The following NCAN variants were observed in gnomAD, a reference collection of about 807,000 sequenced individuals.
NCAN encodes the protein neurocan.
Under a neutral mutation model 121.8 loss-of-function variants are expected in NCAN, and 47 were observed. That is an observed-to-expected ratio of 0.39 (90% CI 0.31 to 0.49). The LOEUF (loss-of-function observed/expected upper bound fraction) is 0.49. NCAN is among the 20% of genes least tolerant of loss of function. NCAN has a pLI of 0.92. For missense variants in NCAN, 1,517 were observed against 1,773.4 expected (o/e 0.86, Z 2.60); for synonymous variants, 633 against 702.0 (o/e 0.90, Z 1.55).
At position 19,224,414 on chromosome 19, in the gene NCAN, C is replaced by T. The variant is rs140636011; in HGVS notation, c.759C>T (p.Cys253=). Residue 253 remains cysteine (C), a synonymous_variant, in exon 5 of 15, where the codon TGC becomes TGT. Coordinates refer to ENST00000252575, the MANE Select transcript of NCAN (RefSeq NM_004386.3). ...CACAGGAACTCTACGATGTGTATTG[C>T]TTTGCCCGGGAGCTGGGGGGTAAGT... is the stretch of plus-strand genomic sequence containing the variant. ...RNPQELYDVY[C]FARELGGEVF... is the part of the protein sequence containing the mutation. The T allele has an allele frequency of 2.4e-5, 39 of 1,613,680 alleles. No homozygotes were observed. The highest frequency in any genetic ancestry group is 3.3e-5 in the Non-Finnish European group (39 of 1,179,750).
Position 19,238,298 on chromosome 19 carries a change from G to T in NCAN, c.3296G>T (p.Cys1099Phe). 1.9e-6 allele frequency: 3 copies of T among 1,614,188 alleles called. No individual in the cohort carries two copies. Among genetic ancestry groups the T allele is most frequent in the Non-Finnish European group, 2.5e-6 (3 of 1,180,028 alleles). ...GGCTGGCATAAGTTCCAGGGCCACT[G>T]TTACCGCTATTTTGCCCACCGGAGG... ...DRGWHKFQGH[C>F]YRYFAHRRAW... The change falls in exon 11 of 15, where the codon TGT becomes TTT. Residue 1099 changes from cysteine to phenylalanine, a missense_variant. Transcript: ENST00000252575.
chr19:19,238,501 T>G, intron 11 of NCAN, 90 bp downstream of exon 11: 1 of 1,506,414 alleles, frequency 6.6e-7, no homozygotes, highest in Non-Finnish European at 9.2e-7. Flanking sequence ...ATCCCTCCCC[T>G]GGTTTTCAAG....
At chr19:19,223,921 T>A in intron 3 of NCAN, 100 bp from the exon 4 acceptor site, 1 of 1,261,402 alleles carries the variant, frequency 7.9e-7, no homozygotes, top group Non-Finnish European at 1.1e-6. Context: ...GGTCTATTAT[T>A]ATCAGACAGG....
Position 19,225,192 on chromosome 19 carries a change from G to A in NCAN, c.994G>A (p.Val332Met). ...GCGCTGCGGGGGCCCAGCCCCGGGCGTGCGCACCGTCTACCGCTTCGCTAA... is the reference window on the plus strand; with the variant it reads ...GCGCTGCGGGGGCCCAGCCCCGGGCATGCGCACCGTCTACCGCTTCGCTAA... ...RRRCGGPAPG[V>M]RTVYRFANRT... The change falls in exon 6 of 15, where the codon GTG becomes ATG. Residue 332 changes from valine (V) to methionine (M), a missense_variant. Transcript: ENST00000252575. The surrounding 1 kb of genome is among the most constrained non-coding windows in gnomAD (Gnocchi z 4.0). 6.4e-7 allele frequency: 1 copy of A among 1,557,846 alleles called. No individual in the cohort carries two copies.
rs756245904 is a variant in NCAN, at chr19:19,228,609, G to C, written c.2989G>C (p.Gly997Arg). Residue 997 changes from glycine to arginine, a missense_variant, in exon 8 of 15, where the codon GGG (glycine) becomes CGG (arginine). Gly to Arg is a moderately radical substitution (Grantham distance 125). Coordinates refer to ENST00000252575, the MANE Select transcript of NCAN (RefSeq NM_004386.3). ...VASGEEPALP[G>R]TPMNAGAEEV... ...AAGTGGAGAGGAGCCAGCCCTGCCA[G>C]GGACCCCTATGAATGCAGGTGCGGA... 4 of 1,612,114 alleles carry C rather than the reference G, an allele frequency of 2.5e-6. No individual in the cohort carries two copies. The highest frequency in any genetic ancestry group is 1.7e-5 in the Admixed American group (1 of 59,982).
At chr19:19,217,082 G>A (rs2146535888) in intron 2 of NCAN, 56 bp downstream of exon 2, 1 of 1,248,154 alleles carries the variant, frequency 8.0e-7, no homozygotes, top group East Asian at 2.8e-5. Context: ...ACAAGATGGG[G>A]CAGCTTTTGA....
chr19:19,238,475 T>G, intron 11 of NCAN, 64 bp downstream of exon 11: 1 of 1,595,164 alleles, frequency 6.3e-7, no homozygotes, highest in Non-Finnish European at 8.6e-7. Flanking sequence ...TTGTAGCCCT[T>G]TTGCCAGGGC....
At position 19,227,528 on chromosome 19, in the gene NCAN, G is replaced by A; in HGVS notation, c.1908G>A (p.Leu636=). Residue 636 remains leucine, a synonymous_variant, in exon 8 of 15, where the codon CTG becomes CTA. Coordinates refer to ENST00000252575, the MANE Select transcript of NCAN (RefSeq NM_004386.3). This position sits in a 1 kb window ranked among gnomAD's most constrained non-coding sequence, Gnocchi z 4.2. ...TSPDLPMMAM[L]RGPKEWMLPH... ...CAGATCTCCCTATGATGGCCATGCT[G>A]CGTGGTCCCAAAGAGTGGATGCTAC... 4 of 1,613,872 alleles carry A rather than the reference G, an allele frequency of 2.5e-6. No individual in the cohort carries two copies. Among genetic ancestry groups the A allele is most frequent in the Non-Finnish European group, 3.4e-6 (4 of 1,180,010 alleles).
intron 1 of NCAN, among the ~76,000 whole-genome samples, chr19:19,213,518 G>T (rs1015186661): frequency 8.1e-6 from 1 of 123,136 alleles, no homozygotes; most frequent in Non-Finnish European, 1.8e-5. Flanking sequence ...GGGGGGGGGG[G>T]CCCGAGACTG....
chr19:19,242,887 C>T (rs933507867), intron 12 of NCAN, among the ~76,000 whole-genome samples: 1 of 152,030 alleles, frequency 6.6e-6, no homozygotes, highest in African/African-American at 2.4e-5. Context: ...GCAATCCCAG[C>T]ACTTTTGGAG....
rs748910917 is a variant in NCAN at position 19,248,837 on chromosome 19, C to T, written c.3775C>T (p.Arg1259Trp). ...GCACCATGTGGCCACCATTCGATGC[C>T]GGAGCAATGGCAAGTGGGACAGGCC... Reference protein sequence around the residue: ...AQHHVATIRCRSNGKWDRPQI... With the variant: ...AQHHVATIRCWSNGKWDRPQI... The change falls in exon 14 of 15, where the codon CGG (arginine) becomes TGG (tryptophan). Residue 1259 changes from arginine to tryptophan, a missense_variant. By Grantham distance (101) the Arg-to-Trp change is moderately radical. Coordinates refer to ENST00000252575, the MANE Select transcript of NCAN (RefSeq NM_004386.3). 3.1e-6 allele frequency: 5 copies of T among 1,614,146 alleles called. No individual in the cohort carries two copies. The highest frequency in any genetic ancestry group is 4.2e-6 in the Non-Finnish European group (5 of 1,180,028).
chr19:19,249,800 CCACCACCAACACCACCACCAGCAT>C lies in NCAN; in HGVS notation c.3864_3887del (p.Gln1288_His1295del). On this transcript the variant is annotated inframe_deletion, in exon 15 of 15. Coordinates refer to ENST00000252575, the MANE Select transcript of NCAN (RefSeq NM_004386.3). The stretch of plus-strand genomic sequence containing the variant: ...CACATCGGATGCGGCGACACCACCA[CCACCACCAACACCACCACCAGCAT>C]CACCACCACAAATCCCGCAAGGAGC... The C allele has an allele frequency of 6.2e-7, 1 of 1,611,708 alleles. No homozygotes were observed. The highest frequency in any genetic ancestry group is 8.5e-7 in the Non-Finnish European group (1 of 1,179,146).
In NCAN at chr19:19,224,211, A is replaced by T; in HGVS notation, c.650+16A>T. ...GCACTGTTCGGTGAGGGGGATACAC[A>T]GGGCAGGGAGATGAAGACTAGCTCA... On this transcript the variant is annotated intron_variant, in intron 4 of 14. Coordinates refer to ENST00000252575, the MANE Select transcript of NCAN (RefSeq NM_004386.3). The T allele has an allele frequency of 6.3e-7, 1 of 1,584,160 alleles. No homozygotes were observed. Among genetic ancestry groups the T allele is most frequent in the Non-Finnish European group, 8.6e-7 (1 of 1,158,944 alleles).
chr19:19,228,511 T>G lies in NCAN; in HGVS notation c.2891T>G (p.Leu964Arg), dbSNP rs2060846625. Residue 964 changes from leucine (L) to arginine (R), a missense_variant, in exon 8 of 15, where the codon CTG (leucine) becomes CGG (arginine). Physicochemically the swap from Leu to Arg is moderately radical, Grantham distance 102 (BLOSUM62 -2). Transcript: ENST00000252575. ...DPSSTLLPVT[L>R]GIEDFELEVL... ...TCCAGCACCCTGCTGCCTGTCACCCTGGGCATAGAGGACTTCGAACTGGAG... is the reference window on the plus strand; with the variant it reads ...TCCAGCACCCTGCTGCCTGTCACCCGGGGCATAGAGGACTTCGAACTGGAG... 1.2e-6 allele frequency: 2 copies of G among 1,613,314 alleles called. No individual in the cohort carries two copies. Among genetic ancestry groups the G allele is most frequent in the Non-Finnish European group, 1.7e-6 (2 of 1,180,018 alleles).
rs143819093 is a variant in NCAN, at chr19:19,227,918, C to A, written c.2298C>A (p.Ser766Arg). Residue 766 changes from serine to arginine, a missense_variant, in exon 8 of 15, where the codon AGC (serine) becomes AGA (arginine). Ser to Arg is a moderately radical substitution (Grantham distance 110, BLOSUM62 -1). Transcript: ENST00000252575. This position sits in a 1 kb window ranked among gnomAD's most constrained non-coding sequence, Gnocchi z 4.2. ...SESGVFDTAE[S>R]PTSGLQATVD... ...CTGGGGTCTTCGACACAGCAGAAAG[C>A]CCCACTTCTGGCTTGCAGGCCACTG... The A allele has an allele frequency of 8.7e-6, 14 of 1,613,650 alleles. No individual in the cohort carries two copies. The East Asian group carries it at 3.1e-4, about 36-fold the overall frequency.
At chr19:19,237,081 A>AT (rs113420782) in intron 10 of NCAN, among the ~76,000 whole-genome samples, 1,939 of 142,392 alleles carry the variant, frequency 0.014, 24 homozygotes, top group East Asian at 0.049. Flanking sequence ...ACGTGACTCA[A>AT]TTTTTTTTTT....
chr19:19,240,848 C>T (rs1277595538), intron 12 of NCAN, among the ~76,000 whole-genome samples, 163 bp downstream of exon 12: 2 of 152,196 alleles, frequency 1.3e-5, no homozygotes, highest in Non-Finnish European at 2.9e-5. Context: ...AAGGCTAAAC[C>T]TTCTCCCCTG....
In NCAN at chr19:19,244,728, C is replaced by CT. The variant is rs201995446; in HGVS notation, c.3493-568dup. Among the ~76,000 whole-genome samples, 1,048 of 136,474 alleles carry CT rather than the reference C, an allele frequency of 7.7e-3. 2 individuals are homozygous for CT. The highest frequency in any genetic ancestry group is 0.015 in the Middle Eastern group (4 of 264). The allele number at this position is 136,474 out of a possible 152,430, so 89.5% of individuals were successfully genotyped here. On this transcript the variant is annotated intron_variant, in intron 12 of 14. Transcript: ENST00000252575. ...ATGTATCTTTTTTCTTTTTCTTTTC[C>CT]TTTTTTTTTTTTTTTTTGAGGCAGA...
chr19:19,218,882 A>T (rs761160712), intron 2 of NCAN, 33 bp from the exon 3 acceptor site: 57 of 1,470,394 alleles, frequency 3.9e-5, no homozygotes, highest in Non-Finnish European at 4.9e-5. Context: ...CTTGCCTCTG[A>T]ATCAGGCCCT....
Sources: allele counts gnomAD v4.1 joint callset (sites outside exome capture counted in the v4.1 genomes callset), GRCh38; gene constraint gnomAD v4.1.1; non-coding constraint Gnocchi (gnomAD v3.1); transcripts MANE v1.5; gene names NCBI Gene and HGNC (gene_info 2026-07-23, HGNC 2026-07-21).